Variants in CLCN3 observed in about 807,000 individuals in gnomAD.
The protein encoded by CLCN3 is Cl-/H+ antiporter 3.
A neutral mutation model predicts 83.4 loss-of-function variants in CLCN3; 16 were observed. The observed-to-expected ratio is 0.19, with a 90% CI of 0.13 to 0.29. The LOEUF is 0.29. Among genes scored for constraint, CLCN3 ranks in the 10% least tolerant of loss-of-function variants. The pLI, the probability that CLCN3 is intolerant of heterozygous loss-of-function variation, is 1.00. For synonymous variants in CLCN3, 322 were observed against 346.2 expected, an observed-to-expected ratio of 0.93 and a Z score of 0.78; for missense variants, 544 against 1,006.0, an observed-to-expected ratio of 0.54 and a Z score of 6.21.
At chr4:169,660,361 A>C in intron 2 of CLCN3, 2 of 1,395,406 alleles carry the variant, frequency 1.4e-6, no homozygotes, top group Non-Finnish European at 1.8e-6. Flanking sequence ...CTATTTAAAA[A>C]TTCTAATCAT....
rs527547964 is a variant in CLCN3 at position 169,674,693 on chromosome 4, C to G, written c.161-5357C>G. On this transcript the variant is annotated intron_variant, in intron 2 of 12. Coordinates refer to ENST00000513761, the MANE Select transcript of CLCN3 (RefSeq NM_001829.4). ...ATTATTATTATTTTTTGGAGTACTT[C>G]TGCTAAAACACTGAAATCAGTGTGC... Among the ~76,000 whole-genome samples the G allele has an allele frequency of 7.2e-5, 11 of 152,220 alleles. No individual in the cohort carries two copies. In the South Asian group the frequency reaches 2.3e-3, roughly 32 times the overall value.
intron 2 of CLCN3, among the ~76,000 whole-genome samples, chr4:169,649,023 TAAA>T (rs34046047): frequency 5.8e-5 from 8 of 137,036 alleles, no homozygotes; most frequent in Non-Finnish European, 9.4e-5. Context: ...GGAGAATATC[TAAA>T]AAAAAAAAAA....
chr4:169,644,711 A>G (rs184341913), intron 2 of CLCN3, among the ~76,000 whole-genome samples: 3 of 152,322 alleles, frequency 2.0e-5, no homozygotes, highest in Admixed American at 6.5e-5. Flanking sequence ...CCGAATTCCC[A>G]AAACCTGTAA....
chr4:169,659,540 GTTAC>G (rs1730980645), intron 2 of CLCN3, among the ~76,000 whole-genome samples: 1 of 152,118 alleles, frequency 6.6e-6, no homozygotes, highest in South Asian at 2.1e-4. Context: ...CAATAGTAAA[GTTAC>G]TTAGTACGTT....
intron 1 of CLCN3, among the ~76,000 whole-genome samples, chr4:169,632,716 CAAA>C (rs559919032): frequency 6.2e-5 from 2 of 32,298 alleles, no homozygotes; most frequent in African/African-American, 2.5e-4. Context: ...GACTCCATCT[CAAA>C]AAAAAAAAAA....
At position 169,706,853 on chromosome 4, in the gene CLCN3, G is replaced by A. The variant is rs371778550; in HGVS notation, c.1751-15G>A. ...ATCCTGTCCTTCCTGACCAGTGGGT[G>A]CTTACTTTTTTCAGGTGGTGTGACA... On this transcript the variant is annotated splice_polypyrimidine_tract_variant and intron_variant, in intron 10 of 12. Coordinates refer to ENST00000513761, the MANE Select transcript of CLCN3 (RefSeq NM_001829.4). The A allele has an allele frequency of 1.2e-5, 19 of 1,602,854 alleles. No homozygotes were observed. The highest frequency in any genetic ancestry group is 1.6e-5 in the Non-Finnish European group (19 of 1,171,978).
At chr4:169,633,422 G>T (rs1773428858) in intron 1 of CLCN3, among the ~76,000 whole-genome samples, 1 of 152,142 alleles carries the variant, frequency 6.6e-6, no homozygotes, top group African/African-American at 2.4e-5. Flanking sequence ...TGGAAAAGGT[G>T]ACTTTGCATT....
rs1553965336 is a variant in CLCN3 at position 169,636,735 on chromosome 4, G to GTTGTTTTTTTTTTTTTTTTTTTTT, written c.160+649_160+650insGTTTTTTTTTTTTTTTTTTTTTTT. ...TTCTACACTGATATTTCATTATTTG[G>GTTGTTTTTTTTTTTTTTTTTTTTT]TTTTTTTTTTTTTTTTCATATTTTG... On this transcript the variant is annotated intron_variant, in intron 2 of 12. Transcript: ENST00000513761. Among the ~76,000 whole-genome samples, 3 of 119,520 alleles carry GTTGTTTTTTTTTTTTTTTTTTTTT rather than the reference G, an allele frequency of 2.5e-5. 1 individual carries two copies. Among genetic ancestry groups the GTTGTTTTTTTTTTTTTTTTTTTTT allele is most frequent in the African/African-American group, 6.0e-5 (2 of 33,562 alleles). The allele number at this position is 119,520 out of a possible 152,430, so 78.4% of individuals were successfully genotyped here.
chr4:169,667,388 A>C (rs1456213667), intron 2 of CLCN3, among the ~76,000 whole-genome samples: 3 of 152,028 alleles, frequency 2.0e-5, no homozygotes, highest in Admixed American at 1.3e-4. Flanking sequence ...TTAAGTCTTT[A>C]TGTTTAGATT....
intron 9 of CLCN3, 123 bp from the exon 10 acceptor site, chr4:169,703,875 A>T (rs986871557): frequency 5.5e-6 from 5 of 906,290 alleles, no homozygotes; most frequent in Non-Finnish European, 8.3e-6. Flanking sequence ...TTGTACTAGG[A>T]TTTTGCTATA....
chr4:169,709,782 T>C (rs1043958291), intron 11 of CLCN3, among the ~76,000 whole-genome samples: 8 of 151,978 alleles, frequency 5.3e-5, no homozygotes, highest in Admixed American at 2.0e-4. Context: ...TTTTAAAAAA[T>C]GAAGAAAATG....
intron 9 of CLCN3, chr4:169,702,777 CAAAA>C (rs60812626): frequency 2.6e-4 from 65 of 246,182 alleles, no homozygotes; most frequent in South Asian, 5.8e-4. Context: ...CCCATCTCTA[CAAAA>C]AAAAAAAAAA....
At chr4:169,702,792 A>AAG (rs1732843853) in intron 9 of CLCN3, 1 of 295,604 alleles carries the variant, frequency 3.4e-6, no homozygotes, top group Non-Finnish European at 6.8e-6. Flanking sequence ...AAAAAAAAAA[A>AAG]AAAAAGAAAG....
At chr4:169,657,896 A>G (rs1327793122) in intron 2 of CLCN3, among the ~76,000 whole-genome samples, 1 of 152,144 alleles carries the variant, frequency 6.6e-6, no homozygotes. Context: ...AAAAGTCTCT[A>G]TCAAAGTCCT....
intron 3 of CLCN3, among the ~76,000 whole-genome samples, chr4:169,687,076 A>T (rs1000319542): frequency 6.6e-6 from 1 of 152,170 alleles, no homozygotes; most frequent in South Asian, 2.1e-4. Flanking sequence ...TTATACACAG[A>T]TCCTGTCTTT....
intron 12 of CLCN3, among the ~76,000 whole-genome samples, chr4:169,715,668 A>G (rs1216433967): frequency 6.6e-6 from 1 of 152,168 alleles, no homozygotes; most frequent in Non-Finnish European, 1.5e-5. Context: ...CTTAGGTGCA[A>G]GGAGAAAAAG....
chr4:169,705,703 CAA>C (rs1266964032), intron 10 of CLCN3, among the ~76,000 whole-genome samples: 3 of 151,962 alleles, frequency 2.0e-5, no homozygotes, highest in Non-Finnish European at 2.9e-5. Context: ...GGTAAAAAAA[CAA>C]AAGGAAGAGC....
chr4:169,687,681 A>T lies in CLCN3; in HGVS notation c.342A>T (p.Ser114=). 1 of 1,610,810 alleles carries T rather than the reference A, an allele frequency of 6.2e-7. No individual in the cohort carries two copies. The highest frequency in any genetic ancestry group is 8.5e-7 in the Non-Finnish European group (1 of 1,178,172). ...HRRINSKKKE[S]AWEMTKSLYD... ...AGATCAACAGCAAAAAGAAAGAATC[A>T]GCATGGGAAATGACAAAAAGTTTGT... The change falls in exon 4 of 13, where the codon TCA becomes TCT. Residue 114 remains serine (S), a synonymous_variant. Transcript: ENST00000513761.
At chr4:169,647,830 C>T (rs552738723) in intron 2 of CLCN3, among the ~76,000 whole-genome samples, 2 of 152,286 alleles carry the variant, frequency 1.3e-5, no homozygotes, top group East Asian at 1.9e-4. Flanking sequence ...TAGTGACTTA[C>T]TTCCAAAGAA....
Sources: gnomAD v4.1 joint callset for allele counts (sites outside exome capture counted in the v4.1 genomes callset) on GRCh38, gnomAD v4.1.1 for gene constraint, MANE v1.5 for transcripts, NCBI Gene and HGNC (gene_info 2026-07-23, HGNC 2026-07-21) for gene names.